The following KNSTRN variants were observed in gnomAD, a reference collection of about 807,000 sequenced individuals.
The protein encoded by KNSTRN is small kinetochore-associated protein.
A neutral mutation model predicts 44.7 loss-of-function variants in KNSTRN; 38 were observed. The observed-to-expected ratio is 0.85, with a 90% confidence interval of 0.66 to 1.11. The LOEUF (loss-of-function observed/expected upper bound fraction) is 1.11. Ranked by LOEUF, KNSTRN falls within the 50% of genes most tolerant of loss-of-function variation. KNSTRN has a pLI of 0.00. For synonymous variants in KNSTRN, 158 were observed against 148.1 expected, an observed-to-expected ratio of 1.07 and a Z score of -0.48; for missense variants, 406 against 375.8, an observed-to-expected ratio of 1.08 and a Z score of -0.66.
intron 2 of KNSTRN, 91 bp downstream of exon 2, chr15:40,383,413 A>G: frequency 4.1e-6 from 4 of 978,620 alleles, no homozygotes; most frequent in Non-Finnish European, 6.2e-6. Context: ...GGGCACGGGG[A>G]AGGGCGTCCC....
At position 40,383,235 on chromosome 15, in the gene KNSTRN, C is replaced by T; in HGVS notation, c.217C>T (p.Pro73Ser). 6.2e-7 allele frequency: 1 copy of T among 1,613,792 alleles called. No homozygotes were observed. The highest frequency in any genetic ancestry group is 8.5e-7 in the Non-Finnish European group (1 of 1,179,656). The part of the protein sequence containing the change: ...GQDRRAPGVQ[P>S]CRLVTMTSVV... Reference sequence around the variant, plus strand: ...TCATCCTGTACCTTCCAGGGTTCAGCCGTGCCGCCTCGTTACGATGACCAG... The same window carrying T: ...TCATCCTGTACCTTCCAGGGTTCAGTCGTGCCGCCTCGTTACGATGACCAG... Residue 73 changes from proline to serine, a missense_variant, in exon 2 of 9, where the codon CCG becomes TCG. By Grantham distance (74) the Pro-to-Ser change is moderately conservative (BLOSUM62 -1). Transcript: ENST00000249776.
rs1890036704 is a variant in KNSTRN at position 40,393,394 on chromosome 15, T to C, written c.823-75T>C. ...GTGGAATAGGAGCATAATGTTCTGA[T>C]GTGGGAATTGTGTTTCCTGTTAGTC... On this transcript the variant is annotated intron_variant, in intron 8 of 8. Transcript: ENST00000249776. 15 of 1,594,148 alleles carry C rather than the reference T, an allele frequency of 9.4e-6. No homozygotes were observed. In the South Asian group the frequency reaches 1.7e-4, roughly 18 times the overall value.
chr15:40,389,761 G>T, intron 5 of KNSTRN, 75 bp from the exon 6 acceptor site: 1 of 1,472,776 alleles, frequency 6.8e-7, no homozygotes, highest in South Asian at 1.1e-5. Flanking sequence ...GGCTGTCCAA[G>T]AGCAAGGGCA....
rs747793951 is a variant in KNSTRN at position 40,382,816 on chromosome 15, G to A, written c.-20G>A. The A allele has an allele frequency of 3.7e-6, 6 of 1,605,876 alleles. No individual in the cohort carries two copies. In the East Asian group the frequency reaches 1.3e-4, roughly 36 times the overall value. ...TTCGCTAGGTCTGGCTCTGGCCTCT[G>A]AGCGAACCTTCCGTACAGTATGGCG... On this transcript the variant is annotated 5_prime_UTR_variant, in exon 1 of 9. Transcript: ENST00000249776.
At chr15:40,392,142 A>T in intron 8 of KNSTRN, 119 bp downstream of exon 8, 5 of 694,974 alleles carry the variant, frequency 7.2e-6, no homozygotes, top group Non-Finnish European at 1.1e-5. Context: ...GATTTATAGG[A>T]AAGTTACAAA....
chr15:40,392,064 A>G, intron 8 of KNSTRN, 41 bp downstream of exon 8: 1 of 1,326,894 alleles, frequency 7.5e-7, no homozygotes, highest in Non-Finnish European at 1.0e-6. Flanking sequence ...CTACCATGAT[A>G]GGTAGATTTA....
chr15:40,392,220 C>T (rs1266402839), intron 8 of KNSTRN, among the ~76,000 whole-genome samples, 197 bp downstream of exon 8: 1 of 149,680 alleles, frequency 6.7e-6, no homozygotes, highest in African/African-American at 2.5e-5. Context: ...TTCAGGGGTA[C>T]ACGTACAGGG....
At chr15:40,386,881 G>A (rs1595738372) in intron 3 of KNSTRN, 1 of 547,130 alleles carries the variant, frequency 1.8e-6, no homozygotes, top group Middle Eastern at 5.0e-4. Context: ...AGTTCCAGGT[G>A]AGTGAGGTTG....
At chr15:40,389,398 G>T in intron 4 of KNSTRN, 108 bp from the exon 5 acceptor site, 1 of 741,092 alleles carries the variant, frequency 1.3e-6, no homozygotes, top group East Asian at 2.6e-5. Context: ...TGATCTGCCT[G>T]CCTCAGCCTC....
At chr15:40,391,039 C>T (rs1889988042) in intron 6 of KNSTRN, among the ~76,000 whole-genome samples, 1 of 152,168 alleles carries the variant, frequency 6.6e-6, no homozygotes, top group Non-Finnish European at 1.5e-5. Context: ...AAGCAATCCT[C>T]CCAAATAGCT....
Position 40,382,852 on chromosome 15 carries a change from C to T in KNSTRN, c.17C>T (p.Ala6Val). The stretch of plus-strand genomic sequence containing the variant: ...CCGTACAGTATGGCGGCTCCCGAAG[C>T]CCCGCCCCTGGACAGAGTTTTCCGT... MAAPE[A>V]PPLDRVFRTT... Residue 6 changes from alanine (A) to valine (V), a missense_variant, in exon 1 of 9, where the codon GCC (alanine) becomes GTC (valine). Ala to Val is a moderately conservative substitution (Grantham distance 64, BLOSUM62 0). Transcript: ENST00000249776. 6.2e-7 allele frequency: 1 copy of T among 1,610,378 alleles called. No homozygotes were observed. The highest frequency in any genetic ancestry group is 8.5e-7 in the Non-Finnish European group (1 of 1,179,260).
Position 40,393,570 on chromosome 15 carries a change from G to A in KNSTRN, c.924G>A (p.Lys308=). 1 of 1,614,006 alleles carries A rather than the reference G, an allele frequency of 6.2e-7. No individual in the cohort carries two copies. Among genetic ancestry groups the A allele is most frequent in the South Asian group, 1.1e-5 (1 of 91,058 alleles). The change falls in exon 9 of 9, where the codon AAG becomes AAA. Residue 308 remains lysine (K), a synonymous_variant. Coordinates refer to ENST00000249776, the MANE Select transcript of KNSTRN (RefSeq NM_033286.4). ...NQVNDLTTAL[K]EMEQLLEM ...TAAATGATTTAACAACAGCCCTTAA[G>A]GAAATGGAGCAGCTATTAGAAATGT...
chr15:40,386,615 GC>G, intron 3 of KNSTRN, 121 bp downstream of exon 3: 1 of 997,828 alleles, frequency 1.0e-6, no homozygotes, highest in Non-Finnish European at 1.5e-6. Context: ...TCAATCAGTG[GC>G]CCAGAGCAGT....
At chr15:40,384,289 G>A (rs1431420712) in intron 2 of KNSTRN, 1 of 314,084 alleles carries the variant, frequency 3.2e-6, no homozygotes, top group African/African-American at 2.2e-5. Flanking sequence ...CAGGAGAATG[G>A]CGTGAACCCG....
rs1595738291 is a variant in KNSTRN at position 40,386,734 on chromosome 15, A to G, written c.437+240A>G. Reference sequence around the variant, plus strand: ...TCCTCTTTCATCGCTTGCTCTGAGCATACAAGTGGCAGCACTGTAGTCATA... The same window carrying G: ...TCCTCTTTCATCGCTTGCTCTGAGCGTACAAGTGGCAGCACTGTAGTCATA... On this transcript the variant is annotated intron_variant, in intron 3 of 8. Transcript: ENST00000249776. 9.2e-6 allele frequency: 5 copies of G among 540,942 alleles called. No individual in the cohort carries two copies. In the East Asian group the frequency reaches 1.3e-4, roughly 14 times the overall value. The allele number at this position is 540,942 out of a possible 1,614,324, so 33.5% of individuals were successfully genotyped here. A position where few individuals can be genotyped will look rare whatever the true frequency, so the allele number is the denominator to read the frequency against.
chr15:40,387,265 G>C, intron 4 of KNSTRN, 59 bp downstream of exon 4: 4 of 1,308,396 alleles, frequency 3.1e-6, no homozygotes, highest in Non-Finnish European at 3.3e-6. Context: ...CTCAATCCTT[G>C]GTTCTGCATC....
intron 8 of KNSTRN, 40 bp downstream of exon 8, chr15:40,392,063 T>C (rs751069699): frequency 1.7e-5 from 22 of 1,322,620 alleles, no homozygotes; most frequent in Non-Finnish European, 2.3e-5. Context: ...CCTACCATGA[T>C]AGGTAGATTT....
At chr15:40,386,873 T>C in intron 3 of KNSTRN, 1 of 540,906 alleles carries the variant, frequency 1.8e-6, no homozygotes, top group East Asian at 3.2e-5. Flanking sequence ...CAGCAGTCAG[T>C]TCCAGGTGAG....
intron 2 of KNSTRN, among the ~76,000 whole-genome samples, chr15:40,385,323 C>G (rs1889884371): frequency 6.6e-6 from 1 of 152,168 alleles, no homozygotes; most frequent in Admixed American, 6.5e-5. Context: ...AAAATGCTCT[C>G]CTTTGGGGAA....
Sources: allele counts gnomAD v4.1 joint callset (sites outside exome capture counted in the v4.1 genomes callset), GRCh38; gene constraint gnomAD v4.1.1; transcripts MANE v1.5; gene names NCBI Gene and HGNC (gene_info 2026-07-23, HGNC 2026-07-21).